STRN: variants seen among roughly 807,000 people sequenced by gnomAD.
STRN encodes the protein protein phosphatase 2 regulatory subunit B'''alpha.
Under a neutral mutation model 96.3 loss-of-function variants are expected in STRN, and 53 were observed. The observed-to-expected ratio is 0.55, with a 90% confidence interval of 0.44 to 0.69. STRN has a LOEUF of 0.69. Ranked by LOEUF, STRN falls within the 30% of genes least tolerant of loss-of-function variation. The pLI, the probability that STRN is intolerant of heterozygous loss-of-function variation, is 0.00. For missense variants in STRN, 987 were observed against 963.9 expected (o/e 1.02, Z -0.32); for synonymous variants, 428 against 355.9 (o/e 1.20, Z -2.28).
intron 1 of STRN, among the ~76,000 whole-genome samples, chr2:36,940,970 T>C (rs1473577760): frequency 6.6e-6 from 1 of 151,262 alleles, no homozygotes; most frequent in Non-Finnish European, 1.5e-5. Flanking sequence ...CTGGACAACA[T>C]GGCAAAACCT....
intron 10 of STRN, among the ~76,000 whole-genome samples, chr2:36,876,890 G>T (rs1383363231): frequency 1.3e-5 from 2 of 151,984 alleles, no homozygotes; most frequent in African/African-American, 4.8e-5. Flanking sequence ...TGGGACTACA[G>T]GCGCCTGCCA....
chr2:36,919,978 G>A (rs1670208414), intron 2 of STRN, among the ~76,000 whole-genome samples: 1 of 152,038 alleles, frequency 6.6e-6, no homozygotes, highest in African/African-American at 2.4e-5. Context: ...TAATAATTCG[G>A]TTTTACTTTT....
intron 12 of STRN, 82 bp downstream of exon 12, chr2:36,867,732 G>T: frequency 1.1e-6 from 1 of 888,034 alleles, no homozygotes; most frequent in Non-Finnish European, 1.6e-6. Context: ...AGAATACCTA[G>T]TAAGTGAAAG....
chr2:36,932,236 C>A (rs542649824), intron 1 of STRN, among the ~76,000 whole-genome samples: 3 of 152,228 alleles, frequency 2.0e-5, no homozygotes, highest in South Asian at 4.2e-4. Context: ...CTCACTGCAA[C>A]CTCCACCTCC....
intron 6 of STRN, among the ~76,000 whole-genome samples, chr2:36,897,855 A>T (rs1163645658): frequency 6.6e-6 from 1 of 151,744 alleles, no homozygotes; most frequent in East Asian, 1.9e-4. Context: ...ATGGCTAATT[A>T]AAAAAAAATT....
chr2:36,851,379 A>C (rs1247335938), intron 15 of STRN, among the ~76,000 whole-genome samples: 2 of 152,122 alleles, frequency 1.3e-5, no homozygotes, highest in Admixed American at 1.3e-4. Flanking sequence ...GCTACTCAGG[A>C]GGCTGAGGCA....
intron 1 of STRN, among the ~76,000 whole-genome samples, chr2:36,938,717 T>C (rs1287604677): frequency 6.6e-6 from 1 of 152,242 alleles, no homozygotes; most frequent in Non-Finnish European, 1.5e-5. Context: ...CTTTTAACTA[T>C]TGTCCTATCA....
intron 8 of STRN, among the ~76,000 whole-genome samples, chr2:36,885,772 A>G (rs1008117964): frequency 1.2e-4 from 18 of 152,172 alleles, no homozygotes; most frequent in African/African-American, 4.3e-4. Context: ...GAAAAAGCAT[A>G]CCTTTCCAGT....
In STRN at chr2:36,915,526, A is replaced by C. The variant is rs116617557; in HGVS notation, c.412+552T>G. On this transcript the variant is annotated intron_variant, in intron 3 of 17. Coordinates refer to ENST00000263918, the MANE Select transcript of STRN (RefSeq NM_003162.4). ...TTGATGGTATGAAGAAGTAGGAAAAAGAAAAAGAAGAAATAATTCAAAAAT... is the reference window on the plus strand; with the variant it reads ...TTGATGGTATGAAGAAGTAGGAAAACGAAAAAGAAGAAATAATTCAAAAAT... Among the ~76,000 whole-genome samples the C allele has an allele frequency of 7.5e-3, 1,140 of 152,178 alleles. 19 individuals are homozygous for C. Among genetic ancestry groups the C allele is most frequent in the African/African-American group, 0.026 (1,089 of 41,542 alleles).
chr2:36,909,132 G>A (rs1430286287), intron 3 of STRN, among the ~76,000 whole-genome samples: 1 of 150,082 alleles, frequency 6.7e-6, no homozygotes, highest in Non-Finnish European at 1.5e-5. Flanking sequence ...CTGCAGCCTG[G>A]GCAACAGAGC....
chr2:36,897,721 G>A (rs1360379568), intron 6 of STRN, among the ~76,000 whole-genome samples: 1 of 151,982 alleles, frequency 6.6e-6, no homozygotes, highest in Non-Finnish European at 1.5e-5. Context: ...ACAGGTGTGA[G>A]CCACCGTACC....
chr2:36,843,403 C>T lies in STRN; in HGVS notation c.*6053G>A, dbSNP rs980059694. 4.0e-5 allele frequency among the ~76,000 whole-genome samples: 6 copies of T among 151,534 alleles called. No homozygotes were observed. Among genetic ancestry groups the T allele is most frequent in the African/African-American group, 1.5e-4 (6 of 41,214 alleles). On this transcript the variant is annotated 3_prime_UTR_variant, in exon 18 of 18. Transcript: ENST00000263918. The stretch of plus-strand genomic sequence containing the variant: ...AGGCTTGTGTATGTCTGTTAAGTAG[C>T]GAAACAAAAAATAAAAACATTGTAT...
Position 36,962,047 on chromosome 2 carries a change from A to C in STRN, c.234+4183T>G, listed in dbSNP as rs13430813. 9.4e-3 allele frequency among the ~76,000 whole-genome samples: 1,426 copies of C among 152,090 alleles called. 28 individuals are homozygous for C. The highest frequency in any genetic ancestry group is 0.033 in the African/African-American group (1,367 of 41,486). ...TCAAATCCTCTTATTTTCTTTCCCAACATTCTATGTATTTATTTATCACTG... is the reference window on the plus strand; with the variant it reads ...TCAAATCCTCTTATTTTCTTTCCCACCATTCTATGTATTTATTTATCACTG... On this transcript the variant is annotated intron_variant, in intron 1 of 17. Coordinates refer to ENST00000263918, the MANE Select transcript of STRN (RefSeq NM_003162.4).
intron 1 of STRN, among the ~76,000 whole-genome samples, chr2:36,952,970 T>C (rs563283357): frequency 9.1e-4 from 139 of 152,334 alleles, no homozygotes; most frequent in Non-Finnish European, 1.7e-3. Context: ...AATCCCAGAA[T>C]GGGCTGTAAT....
intron 10 of STRN, among the ~76,000 whole-genome samples, chr2:36,870,041 A>G (rs1242889360): frequency 6.6e-6 from 1 of 152,172 alleles, no homozygotes; most frequent in East Asian, 1.9e-4. Flanking sequence ...TTCAACACAA[A>G]TTATAGTATA....
At chr2:36,961,358 C>A (rs1347138549) in intron 1 of STRN, among the ~76,000 whole-genome samples, 1 of 151,876 alleles carries the variant, frequency 6.6e-6, no homozygotes, top group Non-Finnish European at 1.5e-5. Context: ...AAGTGATCCT[C>A]CTGCCTCAGC....
At chr2:36,871,184 C>T (rs1220871929) in intron 10 of STRN, among the ~76,000 whole-genome samples, 3 of 152,098 alleles carry the variant, frequency 2.0e-5, no homozygotes, top group African/African-American at 7.2e-5. Context: ...TAATTTAGCA[C>T]AGCTTAGGTG....
intron 10 of STRN, among the ~76,000 whole-genome samples, chr2:36,876,124 C>A (rs1668903206): frequency 6.6e-6 from 1 of 151,680 alleles, no homozygotes; most frequent in African/African-American, 2.4e-5. Flanking sequence ...AAGGAAAGTA[C>A]CTGGGTGTGA....
intron 9 of STRN, among the ~76,000 whole-genome samples, chr2:36,878,804 G>A (rs1416370132): frequency 6.6e-6 from 1 of 151,892 alleles, no homozygotes; most frequent in Non-Finnish European, 1.5e-5. Flanking sequence ...CCAGGCTGGA[G>A]TGCAGTGGTG....
Sources: allele counts gnomAD v4.1 joint callset (sites outside exome capture counted in the v4.1 genomes callset), GRCh38; gene constraint gnomAD v4.1.1; transcripts MANE v1.5; gene names NCBI Gene and HGNC (gene_info 2026-07-23, HGNC 2026-07-21).